NRF1: variants seen among roughly 807,000 people sequenced by gnomAD.
NRF1 encodes nuclear respiratory factor 1.
NRF1 carries 5 observed loss-of-function variants against 58.5 expected under a neutral mutation model. The ratio of observed to expected loss-of-function variants is 0.09; its 90% CI spans 0.04 to 0.18. The LOEUF (loss-of-function observed/expected upper bound fraction) is 0.18, where lower values mean the gene tolerates loss of function less well. Among genes scored for constraint, NRF1 ranks in the 10% least tolerant of loss-of-function variants. NRF1 has a pLI of 1.00. For synonymous variants in NRF1, 224 were observed against 246.7 expected (o/e 0.91, Z 0.86); for missense variants, 288 against 657.7 (o/e 0.44, Z 6.15).
At chr7:129,681,702 T>G (rs1802313995) in intron 4 of NRF1, among the ~76,000 whole-genome samples, 1 of 152,158 alleles carries the variant, frequency 6.6e-6, no homozygotes, top group Admixed American at 6.5e-5. Flanking sequence ...GCCTCCTGAG[T>G]AGCTGGAACT....
chr7:129,753,591 T>C (rs529813888), intron 10 of NRF1, among the ~76,000 whole-genome samples: 4 of 152,360 alleles, frequency 2.6e-5, no homozygotes, highest in Admixed American at 2.6e-4. Context: ...ACTGCCTTAC[T>C]GGGAATCCTT....
intron 5 of NRF1, among the ~76,000 whole-genome samples, chr7:129,693,625 G>A (rs1236334022): frequency 6.6e-6 from 1 of 152,036 alleles, no homozygotes; most frequent in East Asian, 1.9e-4. Context: ...CTCTAATGTG[G>A]CCTAGGGAAG....
intron 10 of NRF1, among the ~76,000 whole-genome samples, chr7:129,752,023 G>T (rs544447090): frequency 6.6e-6 from 1 of 152,352 alleles, no homozygotes; most frequent in South Asian, 2.1e-4. Context: ...TTGAGGCTAT[G>T]CTGATAGCAA....
chr7:129,624,776 A>T (rs1243520153), intron 1 of NRF1, among the ~76,000 whole-genome samples: 1 of 152,104 alleles, frequency 6.6e-6, no homozygotes, highest in East Asian at 1.9e-4. Flanking sequence ...CAGTCTCCCA[A>T]GTGGTATCCC....
intron 9 of NRF1, among the ~76,000 whole-genome samples, chr7:129,719,539 C>CACACACAA (rs1310830127): frequency 7.8e-6 from 1 of 128,964 alleles, no homozygotes. Flanking sequence ...CACACACACA[C>CACACACAA]ACACAACACA....
In NRF1 at chr7:129,667,117, G is replaced by A. The variant is rs536872045; in HGVS notation, c.224-4312G>A. Among the ~76,000 whole-genome samples, 6 of 152,308 alleles carry A rather than the reference G, an allele frequency of 3.9e-5. No individual in the cohort carries two copies. The South Asian group carries it at 1.2e-3, about 32-fold the overall frequency. On this transcript the variant is annotated intron_variant, in intron 2 of 10. Transcript: ENST00000393232. ...CTACTGGAAGATATACCCAGGAGGGGAATTGGAGGGCCAAAGATGTCCATT... is the reference window on the plus strand; with the variant it reads ...CTACTGGAAGATATACCCAGGAGGGAAATTGGAGGGCCAAAGATGTCCATT...
In NRF1 at chr7:129,615,876, T is replaced by G. The variant is rs547905449; in HGVS notation, c.-7+4052T>G. Among the ~76,000 whole-genome samples, 41 of 152,326 alleles carry G rather than the reference T, an allele frequency of 2.7e-4. No homozygotes were observed. In the South Asian group the frequency reaches 8.5e-3, roughly 32 times the overall value. ...TAAAAGGAGGTGAAACAAATGAATT[T>G]CAGGTGTTTCCAGGAGATTAAAACC... is the stretch of plus-strand genomic sequence containing the variant. On this transcript the variant is annotated intron_variant, in intron 1 of 10. Transcript: ENST00000393232.
At chr7:129,616,435 A>G (rs11532743) in intron 1 of NRF1, among the ~76,000 whole-genome samples, 20,309 of 152,242 alleles carry the variant, frequency 0.13, 1,677 homozygotes, top group Admixed American at 0.23. Flanking sequence ...ATTTAAAAAA[A>G]CAAAAAAACG....
chr7:129,612,029 C>T (rs1800543056), intron 1 of NRF1, among the ~76,000 whole-genome samples: 2 of 149,850 alleles, frequency 1.3e-5, no homozygotes, highest in Non-Finnish European at 3.0e-5. Flanking sequence ...GATGCGCAGG[C>T]CGCACTAGGC....
intron 1 of NRF1, among the ~76,000 whole-genome samples, chr7:129,619,486 G>GTATATATATATA (rs1287050843): frequency 8.0e-4 from 26 of 32,308 alleles, no homozygotes; most frequent in Non-Finnish European, 1.5e-3. Flanking sequence ...GTGTGTGTGT[G>GTATATATATATA]TGTGTATATA....
intron 1 of NRF1, among the ~76,000 whole-genome samples, chr7:129,632,530 C>T (rs975703660): frequency 6.6e-6 from 1 of 151,894 alleles, no homozygotes; most frequent in African/African-American, 2.4e-5. Context: ...GCACCCCTTC[C>T]CCATCCTAGT....
At chr7:129,732,117 C>T (rs1054471995) in intron 10 of NRF1, among the ~76,000 whole-genome samples, 2 of 152,190 alleles carry the variant, frequency 1.3e-5, no homozygotes, top group African/African-American at 2.4e-5. Flanking sequence ...GAGCTCTTTG[C>T]TGAGTGCCTC....
chr7:129,653,125 CTA>C (rs1801575019), intron 1 of NRF1, among the ~76,000 whole-genome samples: 1 of 152,166 alleles, frequency 6.6e-6, no homozygotes, highest in Admixed American at 6.5e-5. Flanking sequence ...CTTTCTGTCT[CTA>C]TGAATTTGAC....
At chr7:129,687,653 G>C (rs997016600) in intron 4 of NRF1, among the ~76,000 whole-genome samples, 1 of 152,178 alleles carries the variant, frequency 6.6e-6, no homozygotes, top group African/African-American at 2.4e-5. Flanking sequence ...CTTCTGAAAT[G>C]GTGCTAAATG....
At chr7:129,665,562 A>G (rs1411962188) in intron 2 of NRF1, among the ~76,000 whole-genome samples, 2 of 152,240 alleles carry the variant, frequency 1.3e-5, no homozygotes, top group Non-Finnish European at 2.9e-5. Context: ...TAATAAAAAC[A>G]ATATCTCAAG....
intron 1 of NRF1, among the ~76,000 whole-genome samples, chr7:129,634,140 G>A (rs1208881553): frequency 6.6e-6 from 1 of 151,060 alleles, no homozygotes; most frequent in African/African-American, 2.4e-5. Context: ...AGAGTATGGA[G>A]AGTTACCATA....
At chr7:129,625,854 TG>T (rs1461090450) in intron 1 of NRF1, among the ~76,000 whole-genome samples, 3 of 151,894 alleles carry the variant, frequency 2.0e-5, no homozygotes, top group Non-Finnish European at 4.4e-5. Flanking sequence ...GCTAATTTTT[TG>T]GTATTTTTAG....
intron 5 of NRF1, among the ~76,000 whole-genome samples, chr7:129,692,484 T>C (rs1263612787): frequency 6.6e-6 from 1 of 152,034 alleles, no homozygotes; most frequent in East Asian, 1.9e-4. Flanking sequence ...GCCCCAGAGG[T>C]TGAGGCTGCA....
intron 10 of NRF1, among the ~76,000 whole-genome samples, chr7:129,745,516 C>A (rs112675447): frequency 1.3e-4 from 18 of 140,452 alleles, no homozygotes; most frequent in Admixed American, 5.8e-4. Flanking sequence ...ACCCCCCCCC[C>A]ATCCATGGAA....
Sources: gnomAD v4.1 joint callset for allele counts (sites outside exome capture counted in the v4.1 genomes callset) on GRCh38, gnomAD v4.1.1 for gene constraint, MANE v1.5 for transcripts, NCBI Gene and HGNC (gene_info 2026-07-23, HGNC 2026-07-21) for gene names.